The following IGSF11 variants were observed in gnomAD, a reference collection of about 807,000 sequenced individuals.
IGSF11 encodes immunoglobulin superfamily member 11.
IGSF11 carries 22 observed loss-of-function variants against 41.0 expected under a neutral mutation model. The ratio of observed to expected loss-of-function variants is 0.54; its 90% CI spans 0.38 to 0.77. The LOEUF is 0.77. Among genes scored for constraint, IGSF11 ranks in the 30% least tolerant of loss-of-function variants. The pLI, the probability that IGSF11 is intolerant of heterozygous loss-of-function variation, is 0.00. For synonymous variants in IGSF11, 219 were observed against 201.3 expected (o/e 1.09, Z -0.74); for missense variants, 444 against 530.8 (o/e 0.84, Z 1.61).
rs1406613250 is a variant in IGSF11, at chr3:119,034,743, C to A, written c.-161G>T. 1.5e-6 allele frequency: 2 copies of A among 1,333,114 alleles called. No homozygotes were observed. The highest frequency in any genetic ancestry group is 1.9e-6 in the Non-Finnish European group (2 of 1,039,158). The allele number at this position is 1,333,114 out of a possible 1,614,324, so 82.6% of individuals were successfully genotyped here. A position where few individuals can be genotyped will look rare whatever the true frequency, so the allele number is the denominator to read the frequency against. ...GAGCTGGGACTGTCAGACCCACAGA[C>A]GAGCCAAGTGCAGCTGCAGCGCCGC... On this transcript the variant is annotated 5_prime_UTR_variant, in exon 1 of 7. Coordinates refer to ENST00000393775, the MANE Select transcript of IGSF11 (RefSeq NM_001015887.3).
intron 1 of IGSF11, among the ~76,000 whole-genome samples, chr3:119,045,662 T>A (rs1341628080): frequency 6.6e-6 from 1 of 152,030 alleles, no homozygotes; most frequent in Non-Finnish European, 1.5e-5. Flanking sequence ...GAGGCCTGCC[T>A]GCCTCTGTAG....
At chr3:118,959,857 C>T (rs1490117446) in intron 1 of IGSF11, among the ~76,000 whole-genome samples, 1 of 151,860 alleles carries the variant, frequency 6.6e-6, no homozygotes, top group East Asian at 1.9e-4. Context: ...ACCATCCTGG[C>T]TAAAATGGTG....
At chr3:118,935,236 C>T (rs1222331906) in intron 1 of IGSF11, among the ~76,000 whole-genome samples, 3 of 142,458 alleles carry the variant, frequency 2.1e-5, no homozygotes, top group Non-Finnish European at 3.0e-5. Context: ...GGTGTATATA[C>T]ATATATATAT....
chr3:119,135,179 A>G (rs1013702917), intron 1 of IGSF11, among the ~76,000 whole-genome samples: 2 of 152,216 alleles, frequency 1.3e-5, no homozygotes, highest in African/African-American at 4.8e-5. Context: ...AAAACACCAA[A>G]AGCAATGGCA....
At chr3:119,015,214 G>C (rs142829008) in intron 1 of IGSF11, among the ~76,000 whole-genome samples, 72 of 152,272 alleles carry the variant, frequency 4.7e-4, no homozygotes, top group African/African-American at 1.5e-3. Context: ...CCTTCCCTCT[G>C]TAAGGCACTG....
rs747533825 is a variant in IGSF11 at position 119,034,629 on chromosome 3, G to A, written c.-47C>T. Reference sequence around the variant, plus strand: ...CCTGCCTCCTACCCGGCTCCCGGTCGCAACAGGAGAGGAGCGGGCGTGAGT... The same window carrying A: ...CCTGCCTCCTACCCGGCTCCCGGTCACAACAGGAGAGGAGCGGGCGTGAGT... On this transcript the variant is annotated 5_prime_UTR_variant, in exon 1 of 7. Transcript: ENST00000393775. 9.1e-6 allele frequency: 14 copies of A among 1,541,754 alleles called. No homozygotes were observed. The South Asian group carries it at 1.3e-4, about 15-fold the overall frequency.
At position 118,996,644 on chromosome 3, in the gene IGSF11, G is replaced by A. The variant is rs1026183292; in HGVS notation, c.52+37887C>T. 9.2e-5 allele frequency among the ~76,000 whole-genome samples: 14 copies of A among 151,556 alleles called. 1 individual carries two copies. The highest frequency in any genetic ancestry group is 9.2e-4 in the Admixed American group (14 of 15,240). ...TTTTTGAGTCTCGCTCTGTCACCTA[G>A]GCTGGAGTGCAGTGGTGCGATCTCG... On this transcript the variant is annotated intron_variant, in intron 1 of 6. Transcript: ENST00000393775.
upstream of IGSF11, among the ~76,000 whole-genome samples, chr3:119,036,007 G>A (rs1005547500): frequency 3.3e-5 from 5 of 152,280 alleles, no homozygotes; most frequent in Non-Finnish European, 7.4e-5. Flanking sequence ...TTTGGACAAG[G>A]ATTGGAAGAT....
At chr3:119,101,557 G>A (rs1463382289) in intron 1 of IGSF11, among the ~76,000 whole-genome samples, 2 of 152,030 alleles carry the variant, frequency 1.3e-5, no homozygotes, top group Non-Finnish European at 2.9e-5. Context: ...CACAAAAAAT[G>A]TTAAATTACC....
intron 1 of IGSF11, among the ~76,000 whole-genome samples, chr3:119,009,996 T>C (rs1250646971): frequency 6.6e-6 from 1 of 152,020 alleles, no homozygotes; most frequent in Non-Finnish European, 1.5e-5. Flanking sequence ...ATGAATTTAA[T>C]AAAATTAATA....
intron 1 of IGSF11, among the ~76,000 whole-genome samples, chr3:118,973,984 T>G: frequency 6.6e-6 from 1 of 152,120 alleles, no homozygotes; most frequent in Non-Finnish European, 1.5e-5. Flanking sequence ...TCAGGATAAA[T>G]AGCTATTGCA....
chr3:119,096,350 T>A (rs2076850553), intron 1 of IGSF11, among the ~76,000 whole-genome samples: 1 of 152,038 alleles, frequency 6.6e-6, no homozygotes, highest in Non-Finnish European at 1.5e-5. Flanking sequence ...TATACATACA[T>A]ATATATAATG....
chr3:119,051,700 A>T (rs1419767446), intron 1 of IGSF11, among the ~76,000 whole-genome samples: 1 of 152,216 alleles, frequency 6.6e-6, no homozygotes, highest in African/African-American at 2.4e-5. Context: ...CACATGGAAC[A>T]TTCTCCAAGA....
chr3:118,960,032 G>A (rs375589683), intron 1 of IGSF11, among the ~76,000 whole-genome samples: 4 of 145,324 alleles, frequency 2.8e-5, no homozygotes, highest in Non-Finnish European at 6.0e-5. Flanking sequence ...GTGACACAGC[G>A]AGACTCCGTC....
At chr3:118,974,089 G>A (rs2107622937) in intron 1 of IGSF11, among the ~76,000 whole-genome samples, 1 of 151,816 alleles carries the variant, frequency 6.6e-6, no homozygotes, top group East Asian at 1.9e-4. Flanking sequence ...TCCTGCACGT[G>A]TATCCCAGAA....
At chr3:119,057,507 T>C (rs1046808216) in intron 1 of IGSF11, among the ~76,000 whole-genome samples, 19 of 152,320 alleles carry the variant, frequency 1.2e-4, no homozygotes, top group African/African-American at 4.3e-4. Context: ...TCCATGCTCA[T>C]GGGTAGGAAG....
At chr3:118,923,400 C>T (rs1372734053) in intron 4 of IGSF11, among the ~76,000 whole-genome samples, 1 of 152,170 alleles carries the variant, frequency 6.6e-6, no homozygotes, top group Non-Finnish European at 1.5e-5. Flanking sequence ...TTCCTAAGAA[C>T]AAAGACACAT....
intron 1 of IGSF11, among the ~76,000 whole-genome samples, chr3:119,007,813 A>G (rs569046237): frequency 1.3e-4 from 20 of 152,320 alleles, no homozygotes; most frequent in Non-Finnish European, 2.5e-4. Context: ...ATTTTGAAGA[A>G]TGTATCTTGA....
chr3:119,128,332 T>G (rs2077431120), intron 1 of IGSF11, among the ~76,000 whole-genome samples: 1 of 148,950 alleles, frequency 6.7e-6, no homozygotes, highest in East Asian at 2.0e-4. Context: ...CACTCCAGCC[T>G]GGGTGAGAGT....
Sources: allele counts gnomAD v4.1 joint callset (sites outside exome capture counted in the v4.1 genomes callset), GRCh38; gene constraint gnomAD v4.1.1; transcripts MANE v1.5; gene names NCBI Gene and HGNC (gene_info 2026-07-23, HGNC 2026-07-21).